Variants in PJA2 observed in about 807,000 individuals in gnomAD.
The protein encoded by PJA2 is praja ring finger ubiquitin ligase 2, also known as E3 ubiquitin-protein ligase Praja-2.
A neutral mutation model predicts 69.3 loss-of-function variants in PJA2; 25 were observed. The observed-to-expected ratio is 0.36, with a 90% CI of 0.26 to 0.50. The LOEUF is 0.50. Among genes scored for constraint, PJA2 ranks in the 20% least tolerant of loss-of-function variants. The pLI, the probability that PJA2 is intolerant of heterozygous loss-of-function variation, is 0.96. For missense variants in PJA2, 809 were observed against 830.2 expected (o/e 0.97, Z 0.31); for synonymous variants, 308 against 277.8 (o/e 1.11, Z -1.08).
At chr5:109,406,352 T>G (rs1353589974) in intron 1 of PJA2, among the ~76,000 whole-genome samples, 1 of 152,120 alleles carries the variant, frequency 6.6e-6, no homozygotes, top group Non-Finnish European at 1.5e-5. Context: ...CCCATTGTTG[T>G]TTGTTTGTTT....
At chr5:109,355,274 C>T (rs886381295) in intron 7 of PJA2, among the ~76,000 whole-genome samples, 2 of 152,176 alleles carry the variant, frequency 1.3e-5, no homozygotes, top group African/African-American at 4.8e-5. Flanking sequence ...TTTTGGAAAT[C>T]ACTTTGGAAA....
At chr5:109,388,152 C>T (rs1272190540) in intron 1 of PJA2, among the ~76,000 whole-genome samples, 3 of 152,138 alleles carry the variant, frequency 2.0e-5, no homozygotes, top group Admixed American at 6.5e-5. Context: ...AATTTCTCTG[C>T]TCACTCTTTC....
chr5:109,403,025 T>C (rs1199013997), intron 1 of PJA2, among the ~76,000 whole-genome samples: 1 of 147,870 alleles, frequency 6.8e-6, no homozygotes, highest in East Asian at 2.0e-4. Flanking sequence ...TAGAAAGAAA[T>C]AGTAAGAAGC....
intron 1 of PJA2, among the ~76,000 whole-genome samples, chr5:109,386,364 T>C (rs904189469): frequency 6.6e-6 from 1 of 152,168 alleles, no homozygotes; most frequent in Non-Finnish European, 1.5e-5. Flanking sequence ...TGGCGGCACC[T>C]TTGGTAGCAT....
At chr5:109,408,033 C>G (rs550981615) in intron 1 of PJA2, among the ~76,000 whole-genome samples, 1 of 152,152 alleles carries the variant, frequency 6.6e-6, no homozygotes, top group Admixed American at 6.5e-5. Flanking sequence ...ATATTTTCAA[C>G]AAGAGTAATA....
intron 6 of PJA2, among the ~76,000 whole-genome samples, chr5:109,358,059 C>A (rs574301651): frequency 6.6e-6 from 1 of 152,184 alleles, no homozygotes; most frequent in Non-Finnish European, 1.5e-5. Context: ...AACAGGCCCT[C>A]CCAAAATCTG....
intron 4 of PJA2, 141 bp from the exon 5 acceptor site, chr5:109,368,887 G>T: frequency 1.2e-6 from 1 of 806,956 alleles, no homozygotes. Context: ...TGGAGATGGG[G>T]CCTGGTGGGA....
At chr5:109,363,346 C>T (rs1762531253) in intron 5 of PJA2, among the ~76,000 whole-genome samples, 1 of 152,144 alleles carries the variant, frequency 6.6e-6, no homozygotes, top group Non-Finnish European at 1.5e-5. Context: ...TGAAACAATG[C>T]TCTTGAGTAC....
At chr5:109,396,729 T>G (rs1016976880) in intron 1 of PJA2, among the ~76,000 whole-genome samples, 2 of 111,852 alleles carry the variant, frequency 1.8e-5, no homozygotes, top group African/African-American at 3.5e-5. Flanking sequence ...CGGCCTAACA[T>G]GTAAAGTTCT....
At chr5:109,339,132 C>T (rs550645434) in intron 9 of PJA2, among the ~76,000 whole-genome samples, 10 of 152,246 alleles carry the variant, frequency 6.6e-5, no homozygotes, top group African/African-American at 2.2e-4. Flanking sequence ...GTCTAAATCA[C>T]AGAAGGCCTT....
intron 7 of PJA2, among the ~76,000 whole-genome samples, chr5:109,354,780 C>A (rs1582594251): frequency 1.4e-5 from 2 of 139,570 alleles, no homozygotes; most frequent in African/African-American, 2.5e-5. Flanking sequence ...TTAAATATAT[C>A]AATATTAGAT....
chr5:109,373,772 C>T (rs1762714536), intron 4 of PJA2, among the ~76,000 whole-genome samples: 1 of 152,082 alleles, frequency 6.6e-6, no homozygotes, highest in Admixed American at 6.5e-5. Context: ...AAGCAGACAA[C>T]TATAATTTAC....
intron 1 of PJA2, among the ~76,000 whole-genome samples, chr5:109,408,168 T>C (rs1268711291): frequency 2.6e-5 from 4 of 152,186 alleles, no homozygotes; most frequent in Non-Finnish European, 4.4e-5. Context: ...TTGTTAACAG[T>C]GGCTGACAAT....
intron 1 of PJA2, among the ~76,000 whole-genome samples, chr5:109,385,986 G>A (rs937241961): frequency 6.6e-6 from 1 of 152,098 alleles, no homozygotes; most frequent in African/African-American, 2.4e-5. Flanking sequence ...TGTGTGGAAT[G>A]TTAAAATTAT....
intron 6 of PJA2, 66 bp from the exon 7 acceptor site, chr5:109,356,092 C>A: frequency 1.9e-6 from 2 of 1,035,208 alleles, no homozygotes; most frequent in East Asian, 2.4e-5. Flanking sequence ...ATGCTGAGGA[C>A]ATAATTATAT....
chr5:109,386,879 C>CG (rs2127010617), intron 1 of PJA2, among the ~76,000 whole-genome samples: 1 of 152,334 alleles, frequency 6.6e-6, no homozygotes, highest in South Asian at 2.1e-4. Context: ...TATTTAGGGT[C>CG]TATCTAAATA....
In PJA2 at chr5:109,381,414, G is replaced by C. The variant is rs189025083; in HGVS notation, c.232+89C>G. 2,449 of 929,176 alleles carry C rather than the reference G, an allele frequency of 2.6e-3. 12 individuals carry two copies. The highest frequency in any genetic ancestry group is 3.3e-3 in the Non-Finnish European group (2,011 of 609,704). 57.6% of individuals were successfully genotyped at this position (929,176 alleles called of 1,614,324 possible). A position where few individuals can be genotyped will look rare whatever the true frequency, so the allele number is the denominator to read the frequency against. ...GAAGTGTGCTGCATTTACACTCACA[G>C]ACATGCATAATACCCACCCAAAAAT... On this transcript the variant is annotated intron_variant, in intron 3 of 9. Transcript: ENST00000361189.
chr5:109,361,731 G>C (rs1247132561), intron 6 of PJA2, among the ~76,000 whole-genome samples: 1 of 152,224 alleles, frequency 6.6e-6, no homozygotes, highest in Non-Finnish European at 1.5e-5. Context: ...GTATGAGAAT[G>C]TTTAAGGTAG....
intron 7 of PJA2, among the ~76,000 whole-genome samples, chr5:109,349,528 A>G (rs1375537589): frequency 6.6e-6 from 1 of 152,172 alleles, no homozygotes; most frequent in African/African-American, 2.4e-5. Flanking sequence ...CATGTTGGAC[A>G]GTTCTGCAGT....
Sources: allele counts gnomAD v4.1 joint callset (sites outside exome capture counted in the v4.1 genomes callset), GRCh38; gene constraint gnomAD v4.1.1; transcripts MANE v1.5; gene names NCBI Gene and HGNC (gene_info 2026-07-23, HGNC 2026-07-21).